Variants in MED27 observed in about 807,000 individuals in gnomAD.
The protein encoded by MED27 is mediator complex subunit 27, also known as mediator of RNA polymerase II transcription subunit 27.
A neutral mutation model predicts 38.2 loss-of-function variants in MED27; 30 were observed. The observed-to-expected ratio is 0.79, with a 90% CI of 0.59 to 1.07. MED27 has a LOEUF of 1.07. Among genes scored for constraint, MED27 ranks in the 50% least tolerant of loss-of-function variants. The pLI is 0.00. For synonymous variants in MED27, 122 were observed against 153.5 expected (o/e 0.79, Z 1.52); for missense variants, 289 against 397.5 (o/e 0.73, Z 2.32).
At chr9:131,891,755 A>G (rs769511990) in intron 5 of MED27, among the ~76,000 whole-genome samples, 2 of 152,206 alleles carry the variant, frequency 1.3e-5, no homozygotes, top group Non-Finnish European at 2.9e-5. Flanking sequence ...AGCCAAGTGA[A>G]GGACAGACTG....
rs540842226 is a variant in MED27, at chr9:132,003,679, C to T, written c.479+10658G>A. On this transcript the variant is annotated intron_variant, in intron 3 of 7. Transcript: ENST00000292035. This position sits in a 1 kb window ranked among gnomAD's most constrained non-coding sequence, Gnocchi z 4.2. ...CTCCCTGTGCTCATGAACAGTATCC[C>T]GCTCTCATCATGCAGTTTTAACCAA... Among the ~76,000 whole-genome samples the T allele has an allele frequency of 3.3e-5, 5 of 152,272 alleles. No individual in the cohort carries two copies. The highest frequency in any genetic ancestry group is 4.1e-4 in the South Asian group (2 of 4,822).
chr9:131,888,788 T>C (rs1205280826), intron 5 of MED27, among the ~76,000 whole-genome samples: 1 of 152,130 alleles, frequency 6.6e-6, no homozygotes, highest in Non-Finnish European at 1.5e-5. Flanking sequence ...AACCATAAAC[T>C]TCTATGTGGT....
intron 2 of MED27, among the ~76,000 whole-genome samples, chr9:132,075,395 G>A (rs992115028): frequency 2.6e-5 from 4 of 152,136 alleles, no homozygotes; most frequent in African/African-American, 9.7e-5. Flanking sequence ...AGCAGGCCGG[G>A]GGCATGGCTA....
At chr9:132,023,320 G>T (rs1589272192) in intron 2 of MED27, among the ~76,000 whole-genome samples, 1 of 152,222 alleles carries the variant, frequency 6.6e-6, no homozygotes, top group East Asian at 1.9e-4. Flanking sequence ...GTCACTCATT[G>T]CCAAGGTATC....
intron 2 of MED27, among the ~76,000 whole-genome samples, chr9:132,040,170 GCATC>G (rs1485059713): frequency 6.6e-6 from 1 of 152,196 alleles, no homozygotes; most frequent in African/African-American, 2.4e-5. Context: ...GTCGTGCTCA[GCATC>G]AGTCCCCGCA....
intron 1 of MED27, among the ~76,000 whole-genome samples, chr9:132,078,811 C>T (rs1834111947): frequency 6.6e-6 from 1 of 152,196 alleles, no homozygotes; most frequent in Non-Finnish European, 1.5e-5. Flanking sequence ...GACTGACTCT[C>T]TTATAAAACA....
At chr9:132,068,606 G>A (rs1445059012) in intron 2 of MED27, among the ~76,000 whole-genome samples, 2 of 152,148 alleles carry the variant, frequency 1.3e-5, no homozygotes, top group East Asian at 3.9e-4. Context: ...CAATAGATCT[G>A]TCAGAGGGTG....
At chr9:131,966,351 T>C (rs1274738413) in intron 3 of MED27, among the ~76,000 whole-genome samples, 2 of 102,024 alleles carry the variant, frequency 2.0e-5, no homozygotes, top group Non-Finnish European at 3.5e-5. Flanking sequence ...GCCACTGCAC[T>C]CCAGCCCAGG....
At chr9:132,063,510 T>C (rs1263353490) in intron 2 of MED27, among the ~76,000 whole-genome samples, 1 of 152,254 alleles carries the variant, frequency 6.6e-6, no homozygotes, top group African/African-American at 2.4e-5. Context: ...AATGTGGTTA[T>C]GCTGTCTGAG....
intron 3 of MED27, among the ~76,000 whole-genome samples, chr9:131,964,241 A>C (rs1324531358): frequency 5.2e-5 from 1 of 19,188 alleles, no homozygotes; most frequent in African/African-American, 2.4e-4. Context: ...ACAGTGTCTG[A>C]CAGAGTAATC....
intron 2 of MED27, among the ~76,000 whole-genome samples, chr9:132,029,538 T>C (rs1373875159): frequency 7.2e-5 from 11 of 152,186 alleles, no homozygotes; most frequent in Admixed American, 6.5e-5. Context: ...TGAAAAACCA[T>C]GGCCAGGGAG....
chr9:132,055,136 A>G (rs1039521759), intron 2 of MED27, among the ~76,000 whole-genome samples: 4 of 152,220 alleles, frequency 2.6e-5, no homozygotes, highest in Admixed American at 2.6e-4. Context: ...ATCCCTGCAC[A>G]TAGTGGGCCC....
intron 2 of MED27, among the ~76,000 whole-genome samples, chr9:132,024,426 G>C (rs1456081912): frequency 1.3e-5 from 2 of 152,160 alleles, no homozygotes; most frequent in Non-Finnish European, 2.9e-5. Context: ...AGCTGTTCTT[G>C]TGATTTTCCC....
chr9:131,911,337 G>A (rs1453753659), intron 4 of MED27, among the ~76,000 whole-genome samples: 6 of 152,176 alleles, frequency 3.9e-5, no homozygotes, highest in Admixed American at 6.5e-5. Context: ...TGCTTCAGAT[G>A]CCTGAAGTTA....
At chr9:132,055,316 T>C (rs551293843) in intron 2 of MED27, among the ~76,000 whole-genome samples, 15 of 152,186 alleles carry the variant, frequency 9.9e-5, no homozygotes, top group Non-Finnish European at 2.2e-4. Context: ...ACTGAATCTA[T>C]AAGGAACTGG....
rs564998752 is a variant in MED27, at chr9:132,014,368, C to T, written c.448G>A (p.Ala150Thr). 3.3e-5 allele frequency: 53 copies of T among 1,612,942 alleles called. No individual in the cohort carries two copies. In the South Asian group the frequency reaches 4.9e-4, roughly 15 times the overall value. ...MGVSAKRRPK[A>T]QPTTLVLPPQ... ...GGTAGGACAAGAGTTGTGGGCTGAG[C>T]CTTTGGTCTACGTTTGGCAGATACT... Residue 150 changes from alanine (A) to threonine (T), a missense_variant, in exon 3 of 8, where the codon GCT becomes ACT. By Grantham distance (58) the Ala-to-Thr change is moderately conservative (BLOSUM62 0). Coordinates refer to ENST00000292035, the MANE Select transcript of MED27 (RefSeq NM_004269.4).
chr9:131,970,543 C>T (rs574563859), intron 3 of MED27, among the ~76,000 whole-genome samples: 2 of 152,326 alleles, frequency 1.3e-5, no homozygotes, highest in South Asian at 2.1e-4. Flanking sequence ...GACCACAAGC[C>T]GGTGAAAACT....
In MED27 at chr9:131,889,747, G is replaced by C. The variant is rs1213289653; in HGVS notation, c.681+4138C>G. ...TGCTGGGCCACTACAGCAGCAAGAAGGATAATGAAACTTTCGAATGTGCTG... is the reference window on the plus strand; with the variant it reads ...TGCTGGGCCACTACAGCAGCAAGAACGATAATGAAACTTTCGAATGTGCTG... On this transcript the variant is annotated intron_variant, in intron 5 of 7. Transcript: ENST00000292035. This position sits in a 1 kb window ranked among gnomAD's most constrained non-coding sequence, Gnocchi z 4.2. Among the ~76,000 whole-genome samples, 1 of 152,226 alleles carries C rather than the reference G, an allele frequency of 6.6e-6. No homozygotes were observed. The highest frequency in any genetic ancestry group is 1.5e-5 in the Non-Finnish European group (1 of 68,048).
intron 3 of MED27, among the ~76,000 whole-genome samples, chr9:131,978,715 C>T (rs937636606): frequency 5.3e-5 from 8 of 152,298 alleles, no homozygotes; most frequent in South Asian, 4.1e-4. Context: ...AAATGACTGT[C>T]CAAGCATGGT....
Sources: gnomAD v4.1 joint callset for allele counts (sites outside exome capture counted in the v4.1 genomes callset) on GRCh38, gnomAD v4.1.1 for gene constraint, Gnocchi (gnomAD v3.1) non-coding constraint, MANE v1.5 for transcripts, NCBI Gene and HGNC (gene_info 2026-07-23, HGNC 2026-07-21) for gene names.